PPP1R16A: variants seen among roughly 807,000 people sequenced by gnomAD.
PPP1R16A encodes the protein protein phosphatase 1 regulatory subunit 16A.
A neutral mutation model predicts 46.6 loss-of-function variants in PPP1R16A; 39 were observed. The observed-to-expected ratio is 0.84, with a 90% CI of 0.65 to 1.09. The LOEUF is 1.09. PPP1R16A is among the 50% of genes least tolerant of loss of function. The pLI is 0.00. For synonymous variants in PPP1R16A, 413 were observed against 321.5 expected, an observed-to-expected ratio of 1.28 and a Z score of -3.04; for missense variants, 798 against 735.6, an observed-to-expected ratio of 1.08 and a Z score of -0.98.
chr8:144,491,511 C>G (rs1825809369), intron 2 of PPP1R16A, among the ~76,000 whole-genome samples: 1 of 152,018 alleles, frequency 6.6e-6, no homozygotes, highest in Non-Finnish European at 1.5e-5. Context: ...CACCTGTAAT[C>G]CCAGCACTTT....
In PPP1R16A at chr8:144,500,837, C is replaced by T. The variant is rs776169645; in HGVS notation, c.908-5C>T. On this transcript the variant is annotated splice_region_variant and splice_polypyrimidine_tract_variant and intron_variant, in intron 9 of 11. Transcript: ENST00000435887. ...GCGCCCCTGACGCCTGCGCCCACTT[C>T]TCAGATGTGTGCGGGGACGAGGAGG... The T allele has an allele frequency of 2.5e-6, 4 of 1,585,260 alleles. No homozygotes were observed. The highest frequency in any genetic ancestry group is 2.3e-5 in the East Asian group (1 of 43,350).
At position 144,501,898 on chromosome 8, in the gene PPP1R16A, A is replaced by G; in HGVS notation, c.1582A>G (p.Met528Val). The G allele has an allele frequency of 6.6e-7, 1 of 1,523,918 alleles. No individual in the cohort carries two copies. Among genetic ancestry groups the G allele is most frequent in the Non-Finnish European group, 8.8e-7 (1 of 1,135,646 alleles). 94.4% of individuals were successfully genotyped at this position (1,523,918 alleles called of 1,614,324 possible). ...PVERRPCCLLM is the reference protein window; with the variant it reads ...PVERRPCCLLV ...GGAGAGGAGGCCGTGCTGCCTGCTC[A>G]TGTGAGGCTGTTGCTCAGCATGCAG... The change falls in exon 12 of 12, where the codon ATG (methionine) becomes GTG (valine). Residue 528 changes from methionine (M) to valine (V), a missense_variant. Physicochemically the swap from Met to Val is conservative, Grantham distance 21. Coordinates refer to ENST00000435887, the MANE Select transcript of PPP1R16A (RefSeq NM_001329443.2).
In PPP1R16A at chr8:144,478,586, A is replaced by T. The variant is rs986200096; in HGVS notation, c.-914+459A>T. 6 of 155,782 alleles carry T rather than the reference A, an allele frequency of 3.9e-5. No individual in the cohort carries two copies. In the Admixed American group the frequency reaches 3.9e-4, roughly 10 times the overall value. The allele number at this position is 155,782 out of a possible 1,614,324, so 9.6% of individuals were successfully genotyped here. ...GCTCCGGAATTGTCTTCATTTTCAG[A>T]TGAGGAAATCGAGGCCGCAGAGAAG... On this transcript the variant is annotated intron_variant, in intron 1 of 11. Coordinates refer to ENST00000435887, the MANE Select transcript of PPP1R16A (RefSeq NM_001329443.2).
chr8:144,490,933 T>G (rs2130324126), intron 2 of PPP1R16A, among the ~76,000 whole-genome samples: 1 of 150,386 alleles, frequency 6.6e-6, no homozygotes, highest in African/African-American at 2.4e-5. Flanking sequence ...TGTGGTGGCG[T>G]GCACCTCCCC....
At chr8:144,499,126 C>T (rs1288920387) in intron 5 of PPP1R16A, 65 bp downstream of exon 5, 17 of 1,509,096 alleles carry the variant, frequency 1.1e-5, no homozygotes, top group Non-Finnish European at 1.5e-5. Context: ...CAGGAGGCTC[C>T]TCTTGGGCAG....
chr8:144,489,453 G>C lies in PPP1R16A; in HGVS notation c.-913-581G>C, dbSNP rs182477265. On this transcript the variant is annotated intron_variant, in intron 1 of 11. Transcript: ENST00000435887. ...CACACTGGGCCCTGGAGGACACTCA[G>C]ACCCTCCCTCCTGACCCCATCACCA... Among the ~76,000 whole-genome samples the C allele has an allele frequency of 3.8e-4, 58 of 151,928 alleles. 2 individuals carry two copies. In the East Asian group the frequency reaches 0.01, roughly 27 times the overall value.
In PPP1R16A at chr8:144,491,992, G is replaced by T. The variant is rs187036903; in HGVS notation, c.-735+1780G>T. ...CCAAGTCTTTTAGTTATAAGTTACA[G>T]GAACCAACTCCACCAAGCCTAAGCA... is the stretch of plus-strand genomic sequence containing the variant. On this transcript the variant is annotated intron_variant, in intron 2 of 11. Transcript: ENST00000435887. Among the ~76,000 whole-genome samples the T allele has an allele frequency of 3.7e-3, 559 of 152,344 alleles. 2 individuals are homozygous for T. The highest frequency in any genetic ancestry group is 0.012 in the African/African-American group (507 of 41,586).
chr8:144,497,656 G>A (rs1331539786), intron 3 of PPP1R16A: 16 of 737,062 alleles, frequency 2.2e-5, no homozygotes, highest in Non-Finnish European at 3.8e-5. Context: ...CCTGAGGTGA[G>A]CCTGTGCGGG....
intron 1 of PPP1R16A, 66 bp downstream of exon 1, chr8:144,478,193 G>T (rs2620665): frequency 2.5e-6 from 1 of 392,586 alleles, no homozygotes; most frequent in Non-Finnish European, 4.5e-6. Context: ...CGGCCAGGGA[G>T]AGCAGTGGCG....
chr8:144,491,486 G>A (rs540878903), intron 2 of PPP1R16A, among the ~76,000 whole-genome samples: 7 of 151,962 alleles, frequency 4.6e-5, no homozygotes, highest in Middle Eastern at 3.4e-3. Flanking sequence ...GGTGTAGGCC[G>A]GGCATGCTGG....
At chr8:144,497,488 G>T (rs1826132206) in intron 3 of PPP1R16A, 35 bp downstream of exon 3, 25 of 1,593,396 alleles carry the variant, frequency 1.6e-5, no homozygotes, top group Non-Finnish European at 2.1e-5. Context: ...GCTCCCAGCA[G>T]ACGGCCCACT....
In PPP1R16A at chr8:144,497,060, G is replaced by A. The variant is rs1826106195; in HGVS notation, c.-135G>A. The A allele has an allele frequency of 1.6e-6, 2 of 1,225,970 alleles. No homozygotes were observed. Among genetic ancestry groups the A allele is most frequent in the Non-Finnish European group, 2.3e-6 (2 of 881,200 alleles). The allele number at this position is 1,225,970 out of a possible 1,614,324, so 75.9% of individuals were successfully genotyped here. On this transcript the variant is annotated 5_prime_UTR_variant, in exon 3 of 12. Transcript: ENST00000435887. ...GTGTGGGGCCTCCTGACCCAGCCAA[G>A]GGCACGAAGCTCTGGGAAGGGGATG... is the stretch of plus-strand genomic sequence containing the variant.
At chr8:144,480,599 GC>G (rs1825371648) in intron 1 of PPP1R16A, among the ~76,000 whole-genome samples, 4 of 151,686 alleles carry the variant, frequency 2.6e-5, no homozygotes, top group Non-Finnish European at 5.9e-5. Context: ...TGATTCTCCT[GC>G]CTCAGCCTCC....
chr8:144,483,824 C>T (rs1825536464), intron 1 of PPP1R16A, among the ~76,000 whole-genome samples: 2 of 152,200 alleles, frequency 1.3e-5, no homozygotes, highest in African/African-American at 4.8e-5. Flanking sequence ...CTTTGGCCTC[C>T]CATATGTTGG....
intron 5 of PPP1R16A, 93 bp from the exon 6 acceptor site, chr8:144,500,003 G>T (rs1415288925): frequency 1.7e-5 from 23 of 1,363,178 alleles, no homozygotes; most frequent in Non-Finnish European, 2.3e-5. Flanking sequence ...GGCAGCCCTG[G>T]GCTGAGGGGC....
In PPP1R16A at chr8:144,500,206, G is replaced by A; in HGVS notation, c.580+7G>A. The A allele has an allele frequency of 6.3e-7, 1 of 1,598,726 alleles. No homozygotes were observed. The highest frequency in any genetic ancestry group is 8.5e-7 in the Non-Finnish European group (1 of 1,173,446). Reference sequence around the variant, plus strand: ...ACTGCCATGGCCGACCGTGGTAGGTGCGGCGGTGCGGCTGTGGGAGGGCTG... The same window carrying A: ...ACTGCCATGGCCGACCGTGGTAGGTACGGCGGTGCGGCTGTGGGAGGGCTG... On this transcript the variant is annotated splice_region_variant and intron_variant, in intron 6 of 11. Transcript: ENST00000435887.
chr8:144,492,071 C>T (rs1456628705), intron 2 of PPP1R16A, among the ~76,000 whole-genome samples: 4 of 152,166 alleles, frequency 2.6e-5, no homozygotes, highest in South Asian at 4.1e-4. Flanking sequence ...AATGTGGGGG[C>T]GCTGGGCTGG....
At chr8:144,480,933 G>C (rs1825389216) in intron 1 of PPP1R16A, among the ~76,000 whole-genome samples, 1 of 151,402 alleles carries the variant, frequency 6.6e-6, no homozygotes, top group African/African-American at 2.4e-5. Flanking sequence ...GTGTCGCCCA[G>C]GCTGGAGTGC....
At position 144,497,024 on chromosome 8, in the gene PPP1R16A, G is replaced by A. The variant is rs1826104193; in HGVS notation, c.-171G>A. On this transcript the variant is annotated 5_prime_UTR_variant, in exon 3 of 12. Coordinates refer to ENST00000435887, the MANE Select transcript of PPP1R16A (RefSeq NM_001329443.2). ...GCCCATGCCCCCCAGGGCTGCCTGG[G>A]CCTGGTTATTGTGTGGGGCCTCCTG... 6 of 864,420 alleles carry A rather than the reference G, an allele frequency of 6.9e-6. No homozygotes were observed. The highest frequency in any genetic ancestry group is 1.1e-5 in the Non-Finnish European group (6 of 568,012). 53.5% of individuals were successfully genotyped at this position (864,420 alleles called of 1,614,324 possible).
Sources: gnomAD v4.1 joint callset for allele counts (sites outside exome capture counted in the v4.1 genomes callset) on GRCh38, gnomAD v4.1.1 for gene constraint, MANE v1.5 for transcripts, NCBI Gene and HGNC (gene_info 2026-07-23, HGNC 2026-07-21) for gene names.